GIN1: variants seen among roughly 807,000 people sequenced by gnomAD.
GIN1 encodes the protein gypsy retrotransposon integrase-like protein 1.
In GIN1, 41 loss-of-function variants were observed where a neutral mutation model predicts 51.4. That is an observed-to-expected ratio of 0.80 (90% CI 0.62 to 1.04). The LOEUF (loss-of-function observed/expected upper bound fraction) is 1.04. GIN1 is among the 50% of genes least tolerant of loss of function. The pLI is 0.00. For synonymous variants in GIN1, 222 were observed against 206.5 expected (o/e 1.07, Z -0.64); for missense variants, 610 against 612.4 (o/e 1.00, Z 0.04).
intron 7 of GIN1, among the ~76,000 whole-genome samples, chr5:103,094,679 C>T (rs1248568174): frequency 6.6e-6 from 1 of 152,132 alleles, no homozygotes; most frequent in Non-Finnish European, 1.5e-5. Flanking sequence ...AGAAGCTTAA[C>T]ACTTTAGAAG....
At chr5:103,098,007 T>G (rs1028132976) in intron 4 of GIN1, among the ~76,000 whole-genome samples, 4 of 152,072 alleles carry the variant, frequency 2.6e-5, no homozygotes, top group African/African-American at 9.7e-5. Flanking sequence ...CTCGGCTTCC[T>G]GAGTAGCTGG....
At chr5:103,095,886 T>C (rs1787377737) in intron 7 of GIN1, among the ~76,000 whole-genome samples, 1 of 151,952 alleles carries the variant, frequency 6.6e-6, no homozygotes, top group African/African-American at 2.4e-5. Context: ...ATTACACAAC[T>C]ACACTCCAGC....
Position 103,088,116 on chromosome 5 carries a change from G to T in GIN1, c.1351C>A (p.Pro451Thr). Residue 451 changes from proline (P) to threonine (T), a missense_variant, in exon 8 of 8, where the codon CCT (proline) becomes ACT (threonine). Physicochemically the swap from Pro to Thr is conservative, Grantham distance 38. Coordinates refer to ENST00000399004, the MANE Select transcript of GIN1 (RefSeq NM_017676.2). ...TGATATGCTCCAATCGGAATTTCAG[G>T]CAATCCAATGTAGTCATGATCTGCC... ...VVADHDYIGL[P>T]EIPIGAYQAN... The T allele has an allele frequency of 6.2e-7, 1 of 1,608,888 alleles. No homozygotes were observed. The highest frequency in any genetic ancestry group is 1.1e-5 in the South Asian group (1 of 90,802).
intron 2 of GIN1, 38 bp from the exon 3 acceptor site, chr5:103,106,947 T>C (rs2151472715): frequency 1.8e-6 from 2 of 1,121,498 alleles, no homozygotes; most frequent in East Asian, 2.5e-5. Context: ...ATTGCAATTT[T>C]TAGAGATCTA....
chr5:103,108,481 A>T (rs566251061), intron 2 of GIN1, 88 bp downstream of exon 2: 1 of 862,424 alleles, frequency 1.2e-6, no homozygotes. Context: ...GCAACAACCA[A>T]CTACTACAGA....
intron 1 of GIN1, among the ~76,000 whole-genome samples, chr5:103,111,817 C>A (rs893322377): frequency 6.6e-6 from 1 of 152,066 alleles, no homozygotes; most frequent in African/African-American, 2.4e-5. Context: ...GTCTTCCTCC[C>A]CCTACCCATT....
chr5:103,104,871 AAC>A (rs1554196138), intron 3 of GIN1, 25 bp from the exon 4 acceptor site: 4 of 1,405,278 alleles, frequency 2.8e-6, no homozygotes, highest in Non-Finnish European at 2.9e-6. Flanking sequence ...CAATAAAGAA[AAC>A]ACATACAAAT....
chr5:103,117,679 T>A (rs1256897336), intron 1 of GIN1, among the ~76,000 whole-genome samples: 1 of 152,078 alleles, frequency 6.6e-6, no homozygotes, highest in Admixed American at 6.6e-5. Flanking sequence ...TCAGAATTTA[T>A]TCCATTGCTA....
At chr5:103,095,370 A>G (rs142270971) in intron 7 of GIN1, among the ~76,000 whole-genome samples, 126 of 152,274 alleles carry the variant, frequency 8.3e-4, no homozygotes, top group African/African-American at 3.0e-3. Flanking sequence ...AATGAGTCAA[A>G]TTTAGGGGCA....
intron 7 of GIN1, among the ~76,000 whole-genome samples, chr5:103,095,355 T>C (rs1490884696): frequency 6.6e-6 from 1 of 152,160 alleles, no homozygotes; most frequent in Non-Finnish European, 1.5e-5. Flanking sequence ...ATCTTGACTG[T>C]TCAGAATGAG....
In GIN1 at chr5:103,106,844, C is replaced by A; in HGVS notation, c.205G>T (p.Glu69Ter). 1 of 1,599,584 alleles carries A rather than the reference C, an allele frequency of 6.3e-7. No homozygotes were observed. Among genetic ancestry groups the A allele is most frequent in the Non-Finnish European group, 8.5e-7 (1 of 1,172,842 alleles). ...QNRLVIVSEE[E>*]KKKVLRECHE... ...CATTCTCTTAAGACTTTCTTTTTTT[C>A]CTCTTCTGAAACAATTACCAAACGA... Residue 69 changes from glutamate to a stop codon, truncating the protein, a stop_gained, in exon 3 of 8, where the codon GAA (glutamate) becomes TAA (stop). Coordinates refer to ENST00000399004, the MANE Select transcript of GIN1 (RefSeq NM_017676.2). LOFTEE classifies it high-confidence loss of function.
At chr5:103,107,670 A>T (rs782751150) in intron 2 of GIN1, among the ~76,000 whole-genome samples, 3 of 152,112 alleles carry the variant, frequency 2.0e-5, no homozygotes, top group Non-Finnish European at 4.4e-5. Flanking sequence ...TTATTCATCA[A>T]TGTATCTCCA....
At chr5:103,109,468 A>G (rs1181268714) in intron 1 of GIN1, among the ~76,000 whole-genome samples, 2 of 152,138 alleles carry the variant, frequency 1.3e-5, no homozygotes, top group African/African-American at 4.8e-5. Flanking sequence ...TCATGGCTTA[A>G]ACAGCTTACC....
chr5:103,090,913 A>G lies in GIN1; in HGVS notation c.1295-2741T>C, dbSNP rs1787220132. ...AAGTCACACACGAACACACACACAC[A>G]CACACACACACACTCTTTTTCTTCT... On this transcript the variant is annotated intron_variant, in intron 7 of 7. Transcript: ENST00000399004. 2.0e-5 allele frequency among the ~76,000 whole-genome samples: 3 copies of G among 152,084 alleles called. 1 individual carries two copies. In the South Asian group the frequency reaches 6.2e-4, roughly 31 times the overall value.
intron 1 of GIN1, among the ~76,000 whole-genome samples, chr5:103,117,261 A>G (rs1554197473): frequency 1.3e-5 from 2 of 152,136 alleles, no homozygotes; most frequent in Non-Finnish European, 2.9e-5. Flanking sequence ...CAAAATCATT[A>G]TGCTAAGTGA....
chr5:103,099,665 C>A (rs1349191785), intron 4 of GIN1, among the ~76,000 whole-genome samples: 3 of 152,072 alleles, frequency 2.0e-5, no homozygotes, highest in Non-Finnish European at 1.5e-5. Flanking sequence ...CTCTGTCAGC[C>A]CCCCAACCAT....
chr5:103,119,022 TG>T lies in GIN1; in HGVS notation c.-8+1041del, dbSNP rs149332530. Reference sequence around the variant, plus strand: ...AGTGATTGATTACAACTTGTAGTTTTGCAAGAGGAATGTCAGGGTCACATTT... The same window carrying T: ...AGTGATTGATTACAACTTGTAGTTTTCAAGAGGAATGTCAGGGTCACATTT... On this transcript the variant is annotated intron_variant, in intron 1 of 7. Coordinates refer to ENST00000399004, the MANE Select transcript of GIN1 (RefSeq NM_017676.2). 6.8e-3 allele frequency among the ~76,000 whole-genome samples: 1,029 copies of T among 152,342 alleles called. 7 individuals are homozygous for T. Among genetic ancestry groups the T allele is most frequent in the Non-Finnish European group, 0.013 (856 of 68,010 alleles).
In GIN1 at chr5:103,104,824, T is replaced by C; in HGVS notation, c.356A>G (p.Gln119Arg). ...TACAATAACTGTATTTTTTGCCACT[T>C]GGCAATGCTGACAAGCATATACCTA... ...KQWVYACQHC[Q>R]VAKNTVIVAP... Residue 119 changes from glutamine to arginine, a missense_variant, in exon 4 of 8, where the codon CAA becomes CGA. Gln to Arg is a conservative substitution (Grantham distance 43). Transcript: ENST00000399004. The C allele has an allele frequency of 6.2e-7, 1 of 1,605,368 alleles. No individual in the cohort carries two copies. The highest frequency in any genetic ancestry group is 8.5e-7 in the Non-Finnish European group (1 of 1,174,384).
intron 4 of GIN1, among the ~76,000 whole-genome samples, chr5:103,103,303 G>A (rs1382842632): frequency 1.3e-5 from 2 of 152,208 alleles, no homozygotes; most frequent in Non-Finnish European, 2.9e-5. Context: ...CACTGGGGAA[G>A]GAGATCTTGG....
Sources: allele counts gnomAD v4.1 joint callset (sites outside exome capture counted in the v4.1 genomes callset), GRCh38; gene constraint gnomAD v4.1.1; transcripts MANE v1.5; gene names NCBI Gene and HGNC (gene_info 2026-07-23, HGNC 2026-07-21).